TXNDC12: variants seen among roughly 807,000 people sequenced by gnomAD.
TXNDC12 encodes the protein thioredoxin domain-containing protein 12.
Under a neutral mutation model 24.2 loss-of-function variants are expected in TXNDC12, and 22 were observed. The ratio of observed to expected loss-of-function variants is 0.91; its 90% CI spans 0.65 to 1.30. The LOEUF (loss-of-function observed/expected upper bound fraction) is 1.30, where lower values mean the gene tolerates loss of function less well. Among genes scored for constraint, TXNDC12 ranks in the 50% most tolerant of loss-of-function variants. The pLI, the probability that TXNDC12 is intolerant of heterozygous loss-of-function variation, is 0.00. For missense variants in TXNDC12, 184 were observed against 205.8 expected, an observed-to-expected ratio of 0.89 and a Z score of 0.65; for synonymous variants, 58 against 73.4, an observed-to-expected ratio of 0.79 and a Z score of 1.07.
chr1:52,022,635 GTTTTT>G (rs1188645759), intron 6 of TXNDC12, among the ~76,000 whole-genome samples: 2 of 118,612 alleles, frequency 1.7e-5, no homozygotes, highest in Non-Finnish European at 3.5e-5. Flanking sequence ...GGTTTTTTTG[GTTTTT>G]TTTTTTTTTT....
At chr1:52,033,492 C>T (rs1685819316) in intron 2 of TXNDC12, 1 of 1,613,774 alleles carries the variant, frequency 6.2e-7, no homozygotes, top group South Asian at 1.1e-5. Flanking sequence ...GGCAGTAGAG[C>T]TCGTAACGGA....
Position 52,028,648 on chromosome 1 carries a change from G to C in TXNDC12, c.159-18C>G, listed in dbSNP as rs201546597. ...GCAGTCCACTTAAAAGCAAAACAAAGAAATTATAATCTAGTAATTCTACTT... is the reference window on the plus strand; with the variant it reads ...GCAGTCCACTTAAAAGCAAAACAAACAAATTATAATCTAGTAATTCTACTT... On this transcript the variant is annotated intron_variant, in intron 2 of 6. Coordinates refer to ENST00000371626, the MANE Select transcript of TXNDC12 (RefSeq NM_015913.4). The C allele has an allele frequency of 3.1e-3, 4,854 of 1,587,070 alleles. 6 individuals are homozygous for C. The highest frequency in any genetic ancestry group is 3.4e-3 in the Non-Finnish European group (3,973 of 1,160,256).
rs755018785 is a variant in TXNDC12, at chr1:52,023,567, A to G, written c.363T>C (p.Ser121=). The stretch of plus-strand genomic sequence containing the variant: ...TGATGATTTCAGGATGCACCTTGCC[A>G]CTGGGATCTGTTATAGACAAAATGA... ...YIPRILFLDP[S]GKVHPEIINE... The change falls in exon 6 of 7, where the codon AGT becomes AGC. Residue 121 remains serine (S), a synonymous_variant. Transcript: ENST00000371626. The G allele has an allele frequency of 6.2e-7, 1 of 1,613,622 alleles. No homozygotes were observed. The highest frequency in any genetic ancestry group is 1.1e-5 in the South Asian group (1 of 91,080).
chr1:52,038,713 G>A (rs931623441), intron 2 of TXNDC12, among the ~76,000 whole-genome samples: 3 of 151,998 alleles, frequency 2.0e-5, no homozygotes, highest in Non-Finnish European at 4.4e-5. Context: ...TTTGCTTTAA[G>A]TTGCCATATA....
chr1:52,055,413 CG>C (rs1481278785), upstream of TXNDC12: 11 of 292,268 alleles, frequency 3.8e-5, no homozygotes, highest in South Asian at 7.2e-5. Flanking sequence ...ATAGTAGGGG[CG>C]GGGGAGAGGT....
intron 3 of TXNDC12, among the ~76,000 whole-genome samples, chr1:52,027,610 TA>T (rs1432254744): frequency 3.9e-5 from 6 of 151,916 alleles, no homozygotes; most frequent in African/African-American, 7.3e-5. Context: ...GGCATACGAA[TA>T]GGGGGGAAAA....
At position 52,020,929 on chromosome 1, in the gene TXNDC12, C is replaced by A; in HGVS notation, c.*4G>T. 1 of 1,612,106 alleles carries A rather than the reference C, an allele frequency of 6.2e-7. No homozygotes were observed. Among genetic ancestry groups the A allele is most frequent in the South Asian group, 1.1e-5 (1 of 91,022 alleles). The stretch of plus-strand genomic sequence containing the variant: ...ACTCTGATGAAAGAAGGGGCACATT[C>A]ATGTTACAATTCATCTTCAAGATGT... On this transcript the variant is annotated 3_prime_UTR_variant, in exon 7 of 7. Coordinates refer to ENST00000371626, the MANE Select transcript of TXNDC12 (RefSeq NM_015913.4).
chr1:52,036,654 A>G (rs1438910024), intron 2 of TXNDC12, among the ~76,000 whole-genome samples: 2 of 152,180 alleles, frequency 1.3e-5, no homozygotes, highest in Non-Finnish European at 2.9e-5. Context: ...GTTTCAGGGC[A>G]CATATCTTAG....
chr1:52,046,657 CT>C (rs917300936), intron 1 of TXNDC12, among the ~76,000 whole-genome samples: 14 of 151,832 alleles, frequency 9.2e-5, no homozygotes, highest in Admixed American at 8.5e-4. Context: ...AGGCAGATCA[CT>C]TGAGGTCAGG....
Position 52,024,544 on chromosome 1 carries a change from A to G in TXNDC12, c.321T>C (p.Pro107=), listed in dbSNP as rs758665122. The G allele has an allele frequency of 3.7e-6, 6 of 1,613,072 alleles. No individual in the cohort carries two copies. Among genetic ancestry groups the G allele is most frequent in the South Asian group, 2.2e-5 (2 of 90,882 alleles). Residue 107 remains proline (P), a synonymous_variant, in exon 5 of 7, where the codon CCT becomes CCC. Coordinates refer to ENST00000371626, the MANE Select transcript of TXNDC12 (RefSeq NM_015913.4). Reference sequence around the variant, plus strand: ...GGATTCGTGGAATATAACCCCCGTCAGGGCTGAAATCTTCATCTTTGGGTT... The same window carrying G: ...GGATTCGTGGAATATAACCCCCGTCGGGGCTGAAATCTTCATCTTTGGGTT... ...EEEPKDEDFS[P]DGGYIPRILF... is the part of the protein sequence containing the mutation.
At chr1:52,052,539 G>A (rs1686235000) in intron 1 of TXNDC12, 1 of 169,540 alleles carries the variant, frequency 5.9e-6, no homozygotes. Context: ...GAAACCCATA[G>A]GAGCCCATGC....
At chr1:52,032,495 T>C in intron 2 of TXNDC12, 1 of 1,344,582 alleles carries the variant, frequency 7.4e-7, no homozygotes, top group Admixed American at 3.5e-5. Context: ...ACCACAATAG[T>C]TCTCCATTCT....
intron 2 of TXNDC12, among the ~76,000 whole-genome samples, chr1:52,031,546 G>A (rs1258383648): frequency 6.6e-6 from 1 of 151,364 alleles, no homozygotes; most frequent in Non-Finnish European, 1.5e-5. Context: ...AGGCTGGAGT[G>A]CAGTGGTGCG....
intron 2 of TXNDC12, among the ~76,000 whole-genome samples, chr1:52,030,959 A>G (rs1685742907): frequency 6.6e-6 from 1 of 152,228 alleles, no homozygotes; most frequent in Non-Finnish European, 1.5e-5. Context: ...TAGCAACAGC[A>G]TTTGATGGTC....
At chr1:52,021,799 A>T (rs575430665) in intron 6 of TXNDC12, among the ~76,000 whole-genome samples, 3 of 152,226 alleles carry the variant, frequency 2.0e-5, no homozygotes, top group Admixed American at 6.5e-5. Flanking sequence ...CCATAAGCTC[A>T]TAAGAGGCAG....
intron 2 of TXNDC12, among the ~76,000 whole-genome samples, chr1:52,037,154 C>T (rs1685896700): frequency 1.3e-5 from 2 of 151,878 alleles, no homozygotes; most frequent in African/African-American, 4.8e-5. Context: ...GTCCTTATCA[C>T]CCCCTGATGT....
At chr1:52,046,869 ATATAT>A (rs1557998378) in intron 1 of TXNDC12, among the ~76,000 whole-genome samples, 105 of 17,798 alleles carry the variant, frequency 5.9e-3, no homozygotes, top group African/African-American at 8.7e-3. Context: ...AAAAAAAAAT[ATATAT>A]ATATATATAT....
chr1:52,033,272 C>T, intron 2 of TXNDC12: 1 of 1,613,934 alleles, frequency 6.2e-7, no homozygotes, highest in Admixed American at 1.7e-5. Context: ...TGGGCACTTC[C>T]ATTTACTACA....
intron 1 of TXNDC12, among the ~76,000 whole-genome samples, chr1:52,050,477 A>G (rs1029452083): frequency 5.3e-5 from 8 of 152,224 alleles, no homozygotes; most frequent in African/African-American, 1.9e-4. Context: ...ACAGCATTCA[A>G]TCAGAATTTT....
Sources: gnomAD v4.1 joint callset for allele counts (sites outside exome capture counted in the v4.1 genomes callset) on GRCh38, gnomAD v4.1.1 for gene constraint, MANE v1.5 for transcripts, NCBI Gene and HGNC (gene_info 2026-07-23, HGNC 2026-07-21) for gene names.